Variants in SLC4A10 observed in about 807,000 individuals in gnomAD.
SLC4A10 encodes the protein solute carrier family 4 member 10, also known as sodium-driven chloride bicarbonate exchanger.
In SLC4A10, 42 loss-of-function variants were observed where a neutral mutation model predicts 137.7. The ratio of observed to expected loss-of-function variants is 0.30; its 90% CI spans 0.24 to 0.39. The LOEUF (loss-of-function observed/expected upper bound fraction) is 0.39, where lower values mean the gene tolerates loss of function less well. Ranked by LOEUF, SLC4A10 falls within the 10% of genes least tolerant of loss-of-function variation. The pLI is 1.00. For synonymous variants in SLC4A10, 474 were observed against 464.1 expected, an observed-to-expected ratio of 1.02 and a Z score of -0.27; for missense variants, 925 against 1,355.0, an observed-to-expected ratio of 0.68 and a Z score of 4.98.
chr2:161,704,627 T>G (rs1435223738), intron 1 of SLC4A10, among the ~76,000 whole-genome samples: 1 of 151,688 alleles, frequency 6.6e-6, no homozygotes, highest in Non-Finnish European at 1.5e-5. Context: ...TGTCTATTTC[T>G]TTTGTTGTAT....
chr2:161,695,126 T>C (rs1414796489), intron 1 of SLC4A10, among the ~76,000 whole-genome samples: 1 of 152,040 alleles, frequency 6.6e-6, no homozygotes, highest in Non-Finnish European at 1.5e-5. Flanking sequence ...ATAAATATTA[T>C]AACTTTACAA....
chr2:161,793,990 A>T (rs973390537), intron 2 of SLC4A10, among the ~76,000 whole-genome samples: 1 of 152,134 alleles, frequency 6.6e-6, no homozygotes, highest in South Asian at 2.1e-4. Flanking sequence ...TTAATCCAAA[A>T]CTATCAGCAT....
At chr2:161,881,271 T>A (rs764577439) in intron 9 of SLC4A10, among the ~76,000 whole-genome samples, 14 of 151,978 alleles carry the variant, frequency 9.2e-5, no homozygotes, top group Admixed American at 4.6e-4. Flanking sequence ...AATAGCAAGA[T>A]GTACATAGGT....
intron 15 of SLC4A10, among the ~76,000 whole-genome samples, chr2:161,941,393 T>C (rs1000497438): frequency 6.6e-6 from 1 of 152,086 alleles, no homozygotes; most frequent in Admixed American, 6.6e-5. Context: ...ACTAAATGGA[T>C]TGGTTTAGCA....
intron 23 of SLC4A10, among the ~76,000 whole-genome samples, chr2:161,973,034 A>G (rs1172167292): frequency 6.6e-6 from 1 of 152,206 alleles, no homozygotes; most frequent in Non-Finnish European, 1.5e-5. Context: ...CTTGCATGCC[A>G]GGAATAATAA....
At chr2:161,726,465 A>T (rs955745502) in intron 1 of SLC4A10, among the ~76,000 whole-genome samples, 2 of 152,182 alleles carry the variant, frequency 1.3e-5, no homozygotes, top group Admixed American at 1.3e-4. Context: ...GAGGGAAAAA[A>T]TTGACGAAAT....
chr2:161,659,602 A>T (rs1259463992), intron 1 of SLC4A10, among the ~76,000 whole-genome samples: 1 of 152,190 alleles, frequency 6.6e-6, no homozygotes, highest in Non-Finnish European at 1.5e-5. Context: ...AATGGAACAA[A>T]ATCGCACTTA....
chr2:161,984,366 A>G lies in SLC4A10; in HGVS notation c.*1214A>G, dbSNP rs1700586453. ...AGAAAGTTATGAAGTTTTGGACATT[A>G]CTAAAAGTACAGTATTTGATTTCAC... On this transcript the variant is annotated 3_prime_UTR_variant, in exon 27 of 27. Coordinates refer to ENST00000446997, the MANE Select transcript of SLC4A10 (RefSeq NM_001178015.2). 1 of 152,162 alleles carries G rather than the reference A, an allele frequency of 6.6e-6. No homozygotes were observed. Among genetic ancestry groups the G allele is most frequent in the Non-Finnish European group, 1.5e-5 (1 of 67,996 alleles). The allele number at this position is 152,162 out of a possible 1,614,324, so 9.4% of individuals were successfully genotyped here.
In SLC4A10 at chr2:161,644,317, G is replaced by A. The variant is rs60806679; in HGVS notation, c.48+19751G>A. Among the ~76,000 whole-genome samples the A allele has an allele frequency of 4.5e-4, 68 of 152,050 alleles. No homozygotes were observed. In the East Asian group the frequency reaches 6.2e-3, roughly 14 times the overall value. On this transcript the variant is annotated intron_variant, in intron 1 of 26. Transcript: ENST00000446997. ...CTCAATACTAGCCTGGCAACACAGC[G>A]AGGACCCATCTCTACCAAAAGTTAA...
At chr2:161,681,486 C>G (rs1055335118) in intron 1 of SLC4A10, among the ~76,000 whole-genome samples, 2 of 152,104 alleles carry the variant, frequency 1.3e-5, no homozygotes, top group Admixed American at 6.6e-5. Flanking sequence ...CATTAATATA[C>G]ATTTTCTAAT....
At chr2:161,835,048 T>A (rs2125761637) in intron 3 of SLC4A10, among the ~76,000 whole-genome samples, 1 of 151,780 alleles carries the variant, frequency 6.6e-6, no homozygotes, top group East Asian at 1.9e-4. Flanking sequence ...TCTTTTTTTT[T>A]TTTTTTTGAG....
intron 1 of SLC4A10, among the ~76,000 whole-genome samples, chr2:161,716,094 G>T (rs1238587215): frequency 6.6e-6 from 1 of 151,702 alleles, no homozygotes; most frequent in South Asian, 2.1e-4. Flanking sequence ...GCAATATTAA[G>T]CTTTCTCTAA....
At chr2:161,882,494 AAACTT>A in intron 10 of SLC4A10, 50 bp downstream of exon 10, 1 of 1,239,510 alleles carries the variant, frequency 8.1e-7, no homozygotes, top group Non-Finnish European at 1.1e-6. Context: ...GGTATACCTA[AAACTT>A]TTGGAGGTCC....
chr2:161,872,745 G>T (rs955129086), intron 7 of SLC4A10, among the ~76,000 whole-genome samples: 10 of 152,010 alleles, frequency 6.6e-5, no homozygotes, highest in South Asian at 2.1e-4. Context: ...GCAGAGTCTC[G>T]CTCTGTCACC....
intron 3 of SLC4A10, among the ~76,000 whole-genome samples, chr2:161,819,756 A>G (rs2057454993): frequency 6.6e-6 from 1 of 152,158 alleles, no homozygotes; most frequent in African/African-American, 2.4e-5. Flanking sequence ...AGCCTCCCAA[A>G]GTGCTGGGAT....
intron 21 of SLC4A10, among the ~76,000 whole-genome samples, chr2:161,961,768 TG>T (rs755475380): frequency 1.3e-5 from 2 of 152,174 alleles, no homozygotes; most frequent in African/African-American, 2.4e-5. Context: ...CGTCAAGTTT[TG>T]GAATTATTTG....
Position 161,748,935 on chromosome 2 carries a change from T to A in SLC4A10, c.49-22038T>A, listed in dbSNP as rs540643965. 5.3e-5 allele frequency among the ~76,000 whole-genome samples: 8 copies of A among 152,226 alleles called. No individual in the cohort carries two copies. In the East Asian group the frequency reaches 1.5e-3, roughly 29 times the overall value. ...AACATGCGATGTCTTTCCATTTAAT[T>A]GTGTCTTCTTCAATATTTTTTTAAC... On this transcript the variant is annotated intron_variant, in intron 1 of 26. Transcript: ENST00000446997.
At chr2:161,655,795 T>G (rs530173274) in intron 1 of SLC4A10, among the ~76,000 whole-genome samples, 1 of 150,616 alleles carries the variant, frequency 6.6e-6, no homozygotes, top group Admixed American at 6.6e-5. Context: ...CGAATTGTAG[T>G]CAACACACAT....
At chr2:161,840,889 A>G (rs1354456275) in intron 4 of SLC4A10, among the ~76,000 whole-genome samples, 1 of 152,192 alleles carries the variant, frequency 6.6e-6, no homozygotes, top group Non-Finnish European at 1.5e-5. Flanking sequence ...AACTTTGAGT[A>G]GCAGTTATCT....
Sources: gnomAD v4.1 joint callset for allele counts (sites outside exome capture counted in the v4.1 genomes callset) on GRCh38, gnomAD v4.1.1 for gene constraint, MANE v1.5 for transcripts, NCBI Gene and HGNC (gene_info 2026-07-23, HGNC 2026-07-21) for gene names.